The following EEFSEC variants were observed in gnomAD, a reference collection of about 807,000 sequenced individuals.
EEFSEC encodes eukaryotic elongation factor, selenocysteine-tRNA specific.
A neutral mutation model predicts 42.1 loss-of-function variants in EEFSEC; 43 were observed. The observed-to-expected ratio is 1.02, with a 90% CI of 0.80 to 1.32. EEFSEC has a LOEUF of 1.32. EEFSEC is among the 40% of genes most tolerant of loss of function. The pLI is 0.00. For synonymous variants in EEFSEC, 354 were observed against 339.1 expected (o/e 1.04, Z -0.48); for missense variants, 745 against 803.6 (o/e 0.93, Z 0.88).
chr3:128,296,988 C>T (rs943121964), intron 4 of EEFSEC, among the ~76,000 whole-genome samples: 2 of 152,138 alleles, frequency 1.3e-5, no homozygotes, highest in Admixed American at 6.5e-5. Context: ...AGAGGTTTGG[C>T]AAAGCTCCCT....
At position 128,315,190 on chromosome 3, in the gene EEFSEC, G is replaced by T. The variant is rs116265222; in HGVS notation, c.787-26043G>T. ...GGAACTTAATTTTCTCAGCAGTAAA[G>T]TGGGGGATAATAAGAGTACCTGCCT... On this transcript the variant is annotated intron_variant, in intron 4 of 6. Coordinates refer to ENST00000254730, the MANE Select transcript of EEFSEC (RefSeq NM_021937.5). Among the ~76,000 whole-genome samples the T allele has an allele frequency of 4.5e-3, 688 of 152,298 alleles. 4 individuals are homozygous for T. The highest frequency in any genetic ancestry group is 0.015 in the African/African-American group (603 of 41,554).
At chr3:128,415,486 T>C in the EEFSEC span, among the ~76,000 whole-genome samples, 4 of 151,650 alleles carry the variant, frequency 2.6e-5, no homozygotes, top group Non-Finnish European at 4.4e-5. Context: ...AGAGCGATGA[T>C]AGGGTGGAAG....
At chr3:128,260,639 C>T (rs2066287268) in intron 2 of EEFSEC, among the ~76,000 whole-genome samples, 1 of 152,184 alleles carries the variant, frequency 6.6e-6, no homozygotes, top group Admixed American at 6.5e-5. Context: ...ACCCATTCTG[C>T]CCCTTTCAGT....
intron 4 of EEFSEC, among the ~76,000 whole-genome samples, chr3:128,273,900 G>C (rs1205290299): frequency 6.6e-6 from 1 of 152,154 alleles, no homozygotes; most frequent in Non-Finnish European, 1.5e-5. Context: ...GGTCGTGCTT[G>C]GTGTGTTTCA....
At chr3:128,350,099 G>A (rs2067365253) in intron 5 of EEFSEC, among the ~76,000 whole-genome samples, 1 of 152,254 alleles carries the variant, frequency 6.6e-6, no homozygotes, top group Non-Finnish European at 1.5e-5. Flanking sequence ...CCAACCAAGT[G>A]TAAACATGCA....
At chr3:128,421,493 G>A in the EEFSEC span, among the ~76,000 whole-genome samples, 1 of 152,324 alleles carries the variant, frequency 6.6e-6, no homozygotes, top group South Asian at 2.1e-4. Flanking sequence ...TCCGGGACCT[G>A]ACTCTGGGTC....
the EEFSEC span, among the ~76,000 whole-genome samples, chr3:128,415,792 C>T: frequency 3.3e-4 from 50 of 152,316 alleles, no homozygotes; most frequent in East Asian, 6.8e-3. Context: ...GTCTCCTGGC[C>T]GGCCTCTTAT....
At chr3:128,384,137 G>C (rs1156896182) in intron 6 of EEFSEC, among the ~76,000 whole-genome samples, 1 of 152,204 alleles carries the variant, frequency 6.6e-6, no homozygotes, top group East Asian at 1.9e-4. Flanking sequence ...CTTCTTAGAG[G>C]AGGCAGTACT....
intron 4 of EEFSEC, among the ~76,000 whole-genome samples, chr3:128,266,743 C>T (rs916448636): frequency 3.9e-5 from 6 of 151,964 alleles, no homozygotes; most frequent in Admixed American, 6.5e-5. Context: ...CTGTCATGTC[C>T]TCCTCTGAAG....
chr3:128,343,336 G>A (rs887657797), intron 5 of EEFSEC, among the ~76,000 whole-genome samples: 3 of 152,032 alleles, frequency 2.0e-5, no homozygotes, highest in Admixed American at 6.5e-5. Flanking sequence ...TTCTTCCTGG[G>A]TGCTCCACCC....
At chr3:128,315,904 C>T (rs2066939879) in intron 4 of EEFSEC, among the ~76,000 whole-genome samples, 1 of 152,220 alleles carries the variant, frequency 6.6e-6, no homozygotes, top group South Asian at 2.1e-4. Context: ...ATTTCTGATG[C>T]ATTCTGGTAC....
chr3:128,165,409 GT>G (rs1338392439), intron 1 of EEFSEC, among the ~76,000 whole-genome samples: 1 of 152,206 alleles, frequency 6.6e-6, no homozygotes, highest in Non-Finnish European at 1.5e-5. Context: ...GATTATTTGA[GT>G]TTTTGTCTTT....
At chr3:128,363,698 G>T (rs1702123) in intron 6 of EEFSEC, among the ~76,000 whole-genome samples, 1 of 152,238 alleles carries the variant, frequency 6.6e-6, no homozygotes, top group Non-Finnish European at 1.5e-5. Context: ...ATGCCCATCA[G>T]TGTGCCATGC....
chr3:128,248,232 A>G (rs546201439), intron 2 of EEFSEC, among the ~76,000 whole-genome samples: 2 of 152,200 alleles, frequency 1.3e-5, no homozygotes, highest in African/African-American at 2.4e-5. Context: ...CCTCTTTGCT[A>G]TGCAGCCTGA....
At chr3:128,319,791 G>A (rs1293168348) in intron 4 of EEFSEC, among the ~76,000 whole-genome samples, 1 of 152,204 alleles carries the variant, frequency 6.6e-6, no homozygotes, top group Non-Finnish European at 1.5e-5. Flanking sequence ...CCATCCTCTC[G>A]ACTGCAGGGA....
At chr3:128,319,283 A>C (rs75516600) in intron 4 of EEFSEC, among the ~76,000 whole-genome samples, 2,264 of 152,284 alleles carry the variant, frequency 0.015, 57 homozygotes, top group African/African-American at 0.05. Flanking sequence ...AGGGGACAGC[A>C]GGCTTCAGAG....
At chr3:128,240,105 G>A (rs2066054386) in intron 1 of EEFSEC, among the ~76,000 whole-genome samples, 1 of 152,270 alleles carries the variant, frequency 6.6e-6, no homozygotes, top group Non-Finnish European at 1.5e-5. Context: ...CAGGCACTGT[G>A]CAGGGCCTGG....
chr3:128,296,955 C>T (rs575780342), intron 4 of EEFSEC, among the ~76,000 whole-genome samples: 12 of 152,312 alleles, frequency 7.9e-5, no homozygotes, highest in Admixed American at 6.5e-4. Context: ...CTACATCACA[C>T]AGGGAGGGAC....
At chr3:128,424,818 C>A in the EEFSEC span, among the ~76,000 whole-genome samples, 1 of 152,154 alleles carries the variant, frequency 6.6e-6, no homozygotes, top group African/African-American at 2.4e-5. Context: ...AAGTAACAAC[C>A]TCCGGGACCG....
Sources: gnomAD v4.1 joint callset for allele counts (sites outside exome capture counted in the v4.1 genomes callset) on GRCh38, gnomAD v4.1.1 for gene constraint, MANE v1.5 for transcripts, NCBI Gene and HGNC (gene_info 2026-07-23, HGNC 2026-07-21) for gene names.